RASL12: variants seen among roughly 807,000 people sequenced by gnomAD.
The protein encoded by RASL12 is ras-like protein family member 12.
A neutral mutation model predicts 22.9 loss-of-function variants in RASL12; 16 were observed. The observed-to-expected ratio is 0.70, with a 90% confidence interval of 0.47 to 1.06. The LOEUF (loss-of-function observed/expected upper bound fraction) is 1.06, where lower values mean the gene tolerates loss of function less well. RASL12 is among the 50% of genes least tolerant of loss of function. The pLI, the probability that RASL12 is intolerant of heterozygous loss-of-function variation, is 0.00. For synonymous variants in RASL12, 159 were observed against 152.2 expected, an observed-to-expected ratio of 1.04 and a Z score of -0.33; for missense variants, 306 against 353.1, an observed-to-expected ratio of 0.87 and a Z score of 1.07.
At chr15:65,050,647 C>T (rs1296998728), downstream of RASL12, among the ~76,000 whole-genome samples, 1 of 152,008 alleles carries the variant, frequency 6.6e-6, no homozygotes, top group Non-Finnish European at 1.5e-5. Context: ...GAGGAACATT[C>T]CTGGAGGGAG....
At chr15:65,051,123 C>T (rs887992482), downstream of RASL12, among the ~76,000 whole-genome samples, 28 of 152,128 alleles carry the variant, frequency 1.8e-4, no homozygotes, top group Non-Finnish European at 3.7e-4. Flanking sequence ...GGATTATAGG[C>T]GTGAGCCACT....
At chr15:65,047,738 C>A in the RASL12 span, among the ~76,000 whole-genome samples, 1 of 151,988 alleles carries the variant, frequency 6.6e-6, no homozygotes, top group Admixed American at 6.6e-5. Context: ...CTTTGTCTTT[C>A]CATGATTTTA....
chr15:65,069,262 G>T (rs2086914766), upstream of RASL12, among the ~76,000 whole-genome samples: 2 of 152,240 alleles, frequency 1.3e-5, no homozygotes, highest in African/African-American at 4.8e-5. Context: ...AACCAGCTGT[G>T]TTATTAAGGT....
chr15:65,051,646 G>C, downstream of RASL12: 1 of 1,577,236 alleles, frequency 6.3e-7, no homozygotes, highest in Non-Finnish European at 8.7e-7. Context: ...GTCTCTGTGG[G>C]GTAGAGGCCC....
chr15:65,068,320 T>G, upstream of RASL12: 1 of 983,090 alleles, frequency 1.0e-6, no homozygotes. This position sits in a 1 kb window ranked among gnomAD's most constrained non-coding sequence, Gnocchi z 4.2. Context: ...CACCCCTCCC[T>G]TTGTTCTACC....
chr15:65,067,124 A>C (rs1359155705), intron 1 of RASL12, among the ~76,000 whole-genome samples: 1 of 151,226 alleles, frequency 6.6e-6, no homozygotes, highest in Non-Finnish European at 1.5e-5. Context: ...TGGGGGTGGG[A>C]GTGGGGGAGT....
chr15:65,046,659 T>C, the RASL12 span, among the ~76,000 whole-genome samples: 1 of 152,164 alleles, frequency 6.6e-6, no homozygotes, highest in Non-Finnish European at 1.5e-5. Flanking sequence ...ATGCCTGTAA[T>C]CCCAGCATTT....
intron 4 of RASL12, among the ~76,000 whole-genome samples, chr15:65,056,995 A>G (rs551537392): frequency 6.6e-6 from 1 of 152,330 alleles, no homozygotes; most frequent in African/African-American, 2.4e-5. Context: ...CCTACTCACA[A>G]TCCAGTCTTC....
At chr15:65,065,798 G>A (rs1436408053) in intron 1 of RASL12, among the ~76,000 whole-genome samples, 1 of 152,158 alleles carries the variant, frequency 6.6e-6, no homozygotes, top group Admixed American at 6.6e-5. Context: ...TGAGGTCTGT[G>A]TCCCGAAGAA....
intron 1 of RASL12, among the ~76,000 whole-genome samples, chr15:65,075,722 C>G (rs1259181421): frequency 6.6e-6 from 1 of 151,792 alleles, no homozygotes; most frequent in Non-Finnish European, 1.5e-5. Flanking sequence ...CACTCTGTAT[C>G]TAGCTCAAGG....
In RASL12 at chr15:65,061,667, G is replaced by A. The variant is rs578095995; in HGVS notation, c.161-2249C>T. ...CATTTCCCAAAGTTTTGAATTTGCC[G>A]ATGTTTTCCTCTCATTTATAGTAAT... On this transcript the variant is annotated intron_variant, in intron 2 of 4. Coordinates refer to ENST00000220062, the MANE Select transcript of RASL12 (RefSeq NM_016563.4). Among the ~76,000 whole-genome samples the A allele has an allele frequency of 1.1e-3, 168 of 152,262 alleles. 4 individuals carry two copies. In the South Asian group the frequency reaches 0.033, roughly 30 times the overall value.
chr15:65,075,787 C>T (rs571954305), intron 1 of RASL12, among the ~76,000 whole-genome samples: 1 of 151,902 alleles, frequency 6.6e-6, no homozygotes, highest in East Asian at 1.9e-4. Context: ...GTGAGTGCAC[C>T]AATCAACACT....
rs1478204329 is a variant in RASL12 at position 65,054,710 on chromosome 15, G to A, written c.*189C>T. On this transcript the variant is annotated 3_prime_UTR_variant, in exon 5 of 5. Transcript: ENST00000220062. The stretch of plus-strand genomic sequence containing the variant: ...GTGGTTACCATGAAGACCAAGGCCT[G>A]GAGGGAACAGAAGCAGCATCCCTGC... 1.4e-6 allele frequency: 2 copies of A among 1,424,120 alleles called. No individual in the cohort carries two copies. Among genetic ancestry groups the A allele is most frequent in the Non-Finnish European group, 1.8e-6 (2 of 1,092,978 alleles). 88.2% of individuals were successfully genotyped at this position (1,424,120 alleles called of 1,614,324 possible).
At chr15:65,073,298 C>T (rs2086944153) in intron 1 of RASL12, among the ~76,000 whole-genome samples, 1 of 152,140 alleles carries the variant, frequency 6.6e-6, no homozygotes. Context: ...GAAATACTTA[C>T]ACAACTTGCC....
intron 4 of RASL12, 119 bp from the exon 5 acceptor site, chr15:65,055,393 C>T: frequency 1.2e-6 from 1 of 819,244 alleles, no homozygotes; most frequent in Non-Finnish European, 1.9e-6. Flanking sequence ...ATCTTCACCT[C>T]TCTGAGTCTC....
At chr15:65,053,312 T>C, downstream of RASL12, 5 of 1,424,980 alleles carry the variant, frequency 3.5e-6, no homozygotes, top group Non-Finnish European at 4.6e-6. Flanking sequence ...GCAGATACAA[T>C]GAATGAACTG....
the RASL12 span, among the ~76,000 whole-genome samples, chr15:65,046,869 T>C: frequency 1.3e-5 from 2 of 151,120 alleles, no homozygotes; most frequent in Non-Finnish European, 3.0e-5. Flanking sequence ...GCCAAGATGG[T>C]GCCATTGCAC....
At position 65,064,498 on chromosome 15, in the gene RASL12, C is replaced by T. The variant is rs910281627; in HGVS notation, c.160+719G>A. Among the ~76,000 whole-genome samples the T allele has an allele frequency of 1.1e-4, 16 of 152,262 alleles. No individual in the cohort carries two copies. The East Asian group carries it at 2.9e-3, about 28-fold the overall frequency. On this transcript the variant is annotated intron_variant, in intron 2 of 4. Transcript: ENST00000220062. ...TTCTCATACGGTTAAAAAACTGGTT[C>T]AGAAGCCAGCACCACTAGAGAATTT...
Position 65,053,393 on chromosome 15 carries a change from T to C in RASL12, c.*1506A>G. On this transcript the variant is annotated 3_prime_UTR_variant, in exon 5 of 5. Transcript: ENST00000220062. The stretch of plus-strand genomic sequence containing the variant: ...TGCTCCTGGAAGGGAGCAGGTGGTA[T>C]TGCATAGTTTGTTCAGATGGCAGTG... 7.4e-7 allele frequency: 1 copy of C among 1,352,566 alleles called. No homozygotes were observed. The highest frequency in any genetic ancestry group is 1.6e-5 in the South Asian group (1 of 61,556). The allele number at this position is 1,352,566 out of a possible 1,614,324, so 83.8% of individuals were successfully genotyped here. A position where few individuals can be genotyped will look rare whatever the true frequency, so the allele number is the denominator to read the frequency against.
Sources: gnomAD v4.1 joint callset for allele counts (sites outside exome capture counted in the v4.1 genomes callset) on GRCh38, gnomAD v4.1.1 for gene constraint, Gnocchi (gnomAD v3.1) non-coding constraint, MANE v1.5 for transcripts, NCBI Gene and HGNC (gene_info 2026-07-23, HGNC 2026-07-21) for gene names.